PLXNA4: variants seen among roughly 807,000 people sequenced by gnomAD.
PLXNA4 encodes the protein plexin A4.
PLXNA4 carries 44 observed loss-of-function variants against 191.8 expected under a neutral mutation model. The ratio of observed to expected loss-of-function variants is 0.23; its 90% confidence interval spans 0.18 to 0.29. PLXNA4 has a LOEUF of 0.29. Ranked by LOEUF, PLXNA4 falls within the 10% of genes least tolerant of loss-of-function variation. The pLI, the probability that PLXNA4 is intolerant of heterozygous loss-of-function variation, is 1.00. For missense variants in PLXNA4, 1,800 were observed against 2,488.8 expected (o/e 0.72, Z 5.89); for synonymous variants, 1,082 against 1,009.5 (o/e 1.07, Z -1.36).
intron 1 of PLXNA4, among the ~76,000 whole-genome samples, chr7:132,556,178 C>T (rs563073230): frequency 4.6e-5 from 7 of 152,252 alleles, no homozygotes; most frequent in Non-Finnish European, 1.0e-4. Context: ...GCCTCCCAAA[C>T]TTTCTCACTT....
chr7:132,526,537 C>T (rs1799408385), intron 1 of PLXNA4, among the ~76,000 whole-genome samples: 1 of 152,222 alleles, frequency 6.6e-6, no homozygotes, highest in South Asian at 2.1e-4. Flanking sequence ...CCAACCCACA[C>T]ACCCAAATTG....
chr7:132,378,892 C>A lies in PLXNA4; in HGVS notation c.1372-80670G>T, dbSNP rs112021942. Among the ~76,000 whole-genome samples, 730 of 136,928 alleles carry A rather than the reference C, an allele frequency of 5.3e-3. 3 individuals are homozygous for A. Among genetic ancestry groups the A allele is most frequent in the Non-Finnish European group, 6.3e-3 (421 of 66,370 alleles). 89.8% of individuals were successfully genotyped at this position (136,928 alleles called of 152,430 possible). A position where few individuals can be genotyped will look rare whatever the true frequency, so the allele number is the denominator to read the frequency against. On this transcript the variant is annotated intron_variant, in intron 3 of 31. Coordinates refer to ENST00000321063, the MANE Select transcript of PLXNA4 (RefSeq NM_020911.2). ...TGAAATGGAGTCTCACTCTTTGTTG[C>A]CCAGGCTGGAGTGCAATGGCGCGAT...
chr7:132,221,536 C>T (rs528139155), intron 9 of PLXNA4, among the ~76,000 whole-genome samples: 1 of 152,320 alleles, frequency 6.6e-6, no homozygotes, highest in African/African-American at 2.4e-5. Flanking sequence ...TGAAACCACA[C>T]CCTGAGACAG....
At chr7:132,256,675 A>C (rs1171396251) in intron 4 of PLXNA4, among the ~76,000 whole-genome samples, 2 of 152,208 alleles carry the variant, frequency 1.3e-5, no homozygotes, top group African/African-American at 4.8e-5. Flanking sequence ...CTGAGCAGCA[A>C]AATCAAAATT....
rs376328741 is a variant in PLXNA4 at position 132,269,170 on chromosome 7, C to T, written c.1504-28004G>A. Reference sequence around the variant, plus strand: ...CTGCTCCTTCCCCTTCTTCCGTGTCCGTGGGACATGTCAGATTTGGGTGTA... The same window carrying T: ...CTGCTCCTTCCCCTTCTTCCGTGTCTGTGGGACATGTCAGATTTGGGTGTA... On this transcript the variant is annotated intron_variant, in intron 4 of 31. Transcript: ENST00000321063. Among the ~76,000 whole-genome samples, 7 of 152,148 alleles carry T rather than the reference C, an allele frequency of 4.6e-5. No individual in the cohort carries two copies. In the East Asian group the frequency reaches 9.7e-4, roughly 21 times the overall value.
intron 3 of PLXNA4, among the ~76,000 whole-genome samples, chr7:132,365,619 G>A (rs1470306169): frequency 6.6e-6 from 1 of 152,150 alleles, no homozygotes; most frequent in East Asian, 1.9e-4. Flanking sequence ...ACATGAGGCA[G>A]AGGGGAGAAG....
At chr7:132,573,350 T>C (rs1033702617) in intron 1 of PLXNA4, among the ~76,000 whole-genome samples, 57 of 152,244 alleles carry the variant, frequency 3.7e-4, no homozygotes, top group African/African-American at 1.3e-3. Flanking sequence ...ATGCCTTCTC[T>C]AGGTGAGGAT....
intron 3 of PLXNA4, among the ~76,000 whole-genome samples, chr7:132,429,125 A>G (rs988040644): frequency 6.6e-6 from 1 of 152,164 alleles, no homozygotes; most frequent in African/African-American, 2.4e-5. Flanking sequence ...TCCCCCTTCA[A>G]GATCATGCAG....
chr7:132,284,966 C>T lies in PLXNA4; in HGVS notation c.1503+13125G>A, dbSNP rs1800628814. On this transcript the variant is annotated intron_variant, in intron 4 of 31. Transcript: ENST00000321063. ...CTGACCTCAGATGATCTGCCCACCT[C>T]AGCCTCCCAAAGTGCTGGGATTATA... Among the ~76,000 whole-genome samples the T allele has an allele frequency of 3.3e-5, 5 of 152,112 alleles. No individual in the cohort carries two copies. In the South Asian group the frequency reaches 1.0e-3, roughly 32 times the overall value.
chr7:132,402,309 C>A (rs1188098148), intron 3 of PLXNA4, among the ~76,000 whole-genome samples: 1 of 152,138 alleles, frequency 6.6e-6, no homozygotes, highest in African/African-American at 2.4e-5. Context: ...GTGCCAGACA[C>A]CCTGACGGTA....
At chr7:132,336,469 A>T (rs1802820355) in intron 3 of PLXNA4, among the ~76,000 whole-genome samples, 1 of 152,176 alleles carries the variant, frequency 6.6e-6, no homozygotes, top group Non-Finnish European at 1.5e-5. Context: ...CCTACTTGGT[A>T]CTTAGCCTGA....
At chr7:132,210,203 C>A (rs998999437) in intron 10 of PLXNA4, among the ~76,000 whole-genome samples, 2 of 152,062 alleles carry the variant, frequency 1.3e-5, no homozygotes, top group Non-Finnish European at 2.9e-5. Context: ...AAGAAGGGAG[C>A]CCAGAAAGAA....
intron 9 of PLXNA4, among the ~76,000 whole-genome samples, chr7:132,221,979 TAA>T (rs1245830289): frequency 2.0e-5 from 3 of 152,204 alleles, no homozygotes; most frequent in Admixed American, 2.0e-4. Context: ...GGTCCAAGAA[TAA>T]AATGCAATCA....
At position 132,180,061 on chromosome 7, in the gene PLXNA4, G is replaced by C. The variant is rs545694686; in HGVS notation, c.3640-140C>G. On this transcript the variant is annotated intron_variant, in intron 19 of 31. Coordinates refer to ENST00000321063, the MANE Select transcript of PLXNA4 (RefSeq NM_020911.2). Reference sequence around the variant, plus strand: ...CACTGGTGTCAAAATAGACAAGAGGGCATGGGGGGCTGGGAGCGGGGACAG... The same window carrying C: ...CACTGGTGTCAAAATAGACAAGAGGCCATGGGGGGCTGGGAGCGGGGACAG... 3.6e-6 allele frequency: 5 copies of C among 1,400,574 alleles called. No homozygotes were observed. In the East Asian group the frequency reaches 1.3e-4, roughly 35 times the overall value. 86.8% of individuals were successfully genotyped at this position (1,400,574 alleles called of 1,614,324 possible). A position where few individuals can be genotyped will look rare whatever the true frequency, so the allele number is the denominator to read the frequency against.
intron 3 of PLXNA4, among the ~76,000 whole-genome samples, chr7:132,308,918 T>A (rs910538130): frequency 6.6e-6 from 1 of 151,916 alleles, no homozygotes; most frequent in African/African-American, 2.4e-5. Context: ...GTGCCGTAGA[T>A]AAAGAGGCTA....
intron 25 of PLXNA4, among the ~76,000 whole-genome samples, chr7:132,155,268 C>T (rs1795758505): frequency 6.6e-6 from 1 of 152,148 alleles, no homozygotes; most frequent in African/African-American, 2.4e-5. Flanking sequence ...CTCCACCTCC[C>T]TGCTGTGTAA....
intron 3 of PLXNA4, among the ~76,000 whole-genome samples, chr7:132,403,290 G>A (rs1310611102): frequency 6.6e-6 from 1 of 152,224 alleles, no homozygotes; most frequent in Middle Eastern, 3.2e-3. Flanking sequence ...ACTCAATCAT[G>A]TTCTCTCTAA....
chr7:132,248,991 G>A (rs954254098), intron 4 of PLXNA4, among the ~76,000 whole-genome samples: 11 of 152,216 alleles, frequency 7.2e-5, no homozygotes, highest in Non-Finnish European at 1.6e-4. Flanking sequence ...AGAGGCACAG[G>A]GTCAAGGGCA....
intron 3 of PLXNA4, among the ~76,000 whole-genome samples, chr7:132,473,810 G>A (rs1248568517): frequency 1.3e-5 from 2 of 151,808 alleles, no homozygotes; most frequent in East Asian, 3.9e-4. Flanking sequence ...ACGTAATGAG[G>A]GGTTATCAGA....
Sources: allele counts gnomAD v4.1 joint callset (sites outside exome capture counted in the v4.1 genomes callset), GRCh38; gene constraint gnomAD v4.1.1; transcripts MANE v1.5; gene names NCBI Gene and HGNC (gene_info 2026-07-23, HGNC 2026-07-21).